TENM2: variants seen among roughly 807,000 people sequenced by gnomAD.
TENM2 encodes teneurin transmembrane protein 2.
A neutral mutation model predicts 245.2 loss-of-function variants in TENM2; 52 were observed. The observed-to-expected ratio is 0.21, with a 90% CI of 0.17 to 0.27. The LOEUF is 0.27. Among genes scored for constraint, TENM2 ranks in the 10% least tolerant of loss-of-function variants. The pLI is 1.00. For missense variants in TENM2, 3,046 were observed against 3,666.8 expected, an observed-to-expected ratio of 0.83 and a Z score of 4.37; for synonymous variants, 1,363 against 1,438.9, an observed-to-expected ratio of 0.95 and a Z score of 1.19.
chr5:167,133,161 C>A, the TENM2 span, among the ~76,000 whole-genome samples: 4 of 152,056 alleles, frequency 2.6e-5, no homozygotes, highest in African/African-American at 9.6e-5. Flanking sequence ...GAGAGAGAAA[C>A]CGTAAAGGCT....
chr5:167,796,567 G>C (rs958458703), intron 2 of TENM2, among the ~76,000 whole-genome samples: 2 of 151,866 alleles, frequency 1.3e-5, no homozygotes, highest in African/African-American at 4.8e-5. Context: ...TACACTCTTA[G>C]CATCTTTTTT....
intron 2 of TENM2, among the ~76,000 whole-genome samples, chr5:167,544,895 A>G (rs1772453264): frequency 6.6e-6 from 1 of 152,230 alleles, no homozygotes; most frequent in Non-Finnish European, 1.5e-5. Flanking sequence ...ATTTGTTTGA[A>G]TAACTCTAGG....
chr5:167,384,438 T>C (rs1761291687), intron 2 of TENM2, among the ~76,000 whole-genome samples: 1 of 152,026 alleles, frequency 6.6e-6, no homozygotes, highest in Non-Finnish European at 1.5e-5. Flanking sequence ...ATGATGATGA[T>C]TTTTCAGGGG....
chr5:167,752,408 C>T (rs1341240015), intron 2 of TENM2, among the ~76,000 whole-genome samples: 1 of 151,922 alleles, frequency 6.6e-6, no homozygotes, highest in African/African-American at 2.4e-5. Flanking sequence ...GCCACCGTAC[C>T]TGGCCTATTG....
At chr5:167,356,738 A>AT (rs1310272461) in intron 1 of TENM2, among the ~76,000 whole-genome samples, 1 of 152,182 alleles carries the variant, frequency 6.6e-6, no homozygotes, top group Admixed American at 6.5e-5. Flanking sequence ...ATTCAGAGTG[A>AT]TTTTGGCCTT....
intron 2 of TENM2, among the ~76,000 whole-genome samples, chr5:167,412,878 CAA>C (rs35434897): frequency 5.0e-4 from 69 of 137,398 alleles, no homozygotes; most frequent in South Asian, 1.6e-3. Flanking sequence ...TCATCGAAAG[CAA>C]AAAAAAAAAA....
chr5:167,734,561 G>C (rs1006255727), intron 2 of TENM2, among the ~76,000 whole-genome samples: 1 of 150,998 alleles, frequency 6.6e-6, no homozygotes, highest in Non-Finnish European at 1.5e-5. Context: ...AGCAAAGGCT[G>C]CTTCGTTTTA....
chr5:167,396,479 T>C (rs574444294), intron 2 of TENM2, among the ~76,000 whole-genome samples: 1 of 152,174 alleles, frequency 6.6e-6, no homozygotes, highest in African/African-American at 2.4e-5. Flanking sequence ...GGGAAGTTGT[T>C]GATTAAATAG....
chr5:168,253,227 A>G (rs962283470), intron 27 of TENM2, among the ~76,000 whole-genome samples: 2 of 151,966 alleles, frequency 1.3e-5, no homozygotes, highest in Admixed American at 1.3e-4. Context: ...TCGGCCTCCC[A>G]AAGTGCTGGG....
At position 168,243,656 on chromosome 5, in the gene TENM2, C is replaced by G. The variant is rs758803278; in HGVS notation, c.5521-764C>G. On this transcript the variant is annotated intron_variant, in intron 25 of 28. Coordinates refer to ENST00000518659, the Ensembl canonical transcript of TENM2. ...TGTGCCAAAAAGAGTTCCAAGTGTG[C>G]AAATATGCAAACTCTCTTGCCCCCA... Among the ~76,000 whole-genome samples the G allele has an allele frequency of 3.3e-5, 5 of 152,184 alleles. 1 individual carries two copies. The South Asian group carries it at 8.3e-4, about 25-fold the overall frequency.
chr5:167,304,780 A>G lies in TENM2; in HGVS notation c.226+19717A>G, dbSNP rs534004994. Reference sequence around the variant, plus strand: ...TTTTGTTGCTGTTATTGTTTTGAGTACATGGGAGTTTTCTAAACACATGCT... The same window carrying G: ...TTTTGTTGCTGTTATTGTTTTGAGTGCATGGGAGTTTTCTAAACACATGCT... On this transcript the variant is annotated intron_variant, in intron 1 of 28. Coordinates refer to ENST00000518659, the Ensembl canonical transcript of TENM2. 2.6e-5 allele frequency among the ~76,000 whole-genome samples: 4 copies of G among 152,272 alleles called. No homozygotes were observed. In the South Asian group the frequency reaches 8.3e-4, roughly 32 times the overall value.
At chr5:166,994,330 T>C in the TENM2 span, among the ~76,000 whole-genome samples, 1 of 152,134 alleles carries the variant, frequency 6.6e-6, no homozygotes, top group South Asian at 2.1e-4. Context: ...GCTTCCTCTG[T>C]TTTTTTCTTT....
chr5:167,163,372 T>C, the TENM2 span, among the ~76,000 whole-genome samples: 1 of 152,166 alleles, frequency 6.6e-6, no homozygotes, highest in South Asian at 2.1e-4. Context: ...ATTACAGGCG[T>C]GAGAGCGTGA....
At chr5:167,977,597 C>T (rs763491093) in intron 4 of TENM2, among the ~76,000 whole-genome samples, 1 of 152,106 alleles carries the variant, frequency 6.6e-6, no homozygotes, top group Non-Finnish European at 1.5e-5. Flanking sequence ...TATTTTGGCT[C>T]TTTCTACTAC....
chr5:167,001,922 G>T, the TENM2 span, among the ~76,000 whole-genome samples: 6 of 152,086 alleles, frequency 3.9e-5, no homozygotes, highest in South Asian at 8.3e-4. Flanking sequence ...CTTATTCAGT[G>T]AGTCACTTAT....
chr5:167,638,326 A>T (rs1779347763), intron 2 of TENM2, among the ~76,000 whole-genome samples: 1 of 152,226 alleles, frequency 6.6e-6, no homozygotes, highest in South Asian at 2.1e-4. Flanking sequence ...ACCTAGGCAC[A>T]AATAATCACT....
intron 2 of TENM2, among the ~76,000 whole-genome samples, chr5:167,834,134 A>G (rs1262881779): frequency 6.6e-6 from 1 of 152,192 alleles, no homozygotes; most frequent in Non-Finnish European, 1.5e-5. Context: ...GAGAATGAGT[A>G]ATATTTGAAA....
chr5:167,753,283 A>T (rs1240226372), intron 2 of TENM2, among the ~76,000 whole-genome samples: 2 of 152,230 alleles, frequency 1.3e-5, no homozygotes, highest in African/African-American at 4.8e-5. Context: ...GGGATACATT[A>T]CAGCTGTCTC....
rs577777315 is a variant in TENM2, at chr5:168,244,372, G to A, written c.5521-48G>A. ...ATGTCCTCCACAGAAGCCTGAGCCG[G>A]CATGCCTGGGTGATGTCTTTCAAAC... On this transcript the variant is annotated intron_variant, in intron 25 of 28. Transcript: ENST00000518659. The surrounding 1 kb of genome is among the most constrained non-coding windows in gnomAD (Gnocchi z 4.9). The A allele has an allele frequency of 3.0e-5, 42 of 1,417,646 alleles. No individual in the cohort carries two copies. The South Asian group carries it at 6.3e-4, about 21-fold the overall frequency. The allele number at this position is 1,417,646 out of a possible 1,614,324, so 87.8% of individuals were successfully genotyped here.
Sources: allele counts gnomAD v4.1 joint callset (sites outside exome capture counted in the v4.1 genomes callset), GRCh38; gene constraint gnomAD v4.1.1; non-coding constraint Gnocchi (gnomAD v3.1); transcripts MANE v1.5; gene names NCBI Gene and HGNC (gene_info 2026-07-23, HGNC 2026-07-21).